The following PTPRD variants were observed in gnomAD, a reference collection of about 807,000 sequenced individuals.
The protein encoded by PTPRD is protein tyrosine phosphatase receptor type D.
Under a neutral mutation model 214.5 loss-of-function variants are expected in PTPRD, and 34 were observed. The ratio of observed to expected loss-of-function variants is 0.16; its 90% CI spans 0.12 to 0.21. The LOEUF is 0.21. Ranked by LOEUF, PTPRD falls within the 10% of genes least tolerant of loss-of-function variation. The probability of loss-of-function intolerance (pLI) is 1.00; values close to 1 mark genes in which losing one functional copy is unlikely to be tolerated. For synonymous variants in PTPRD, 1,128 were observed against 845.7 expected, an observed-to-expected ratio of 1.33 and a Z score of -5.79; for missense variants, 2,545 against 2,398.7, an observed-to-expected ratio of 1.06 and a Z score of -1.27.
At chr9:9,072,335 C>T (rs1458928171) in intron 10 of PTPRD, among the ~76,000 whole-genome samples, 1 of 146,772 alleles carries the variant, frequency 6.8e-6, no homozygotes, top group African/African-American at 2.5e-5. Context: ...CTTAATATTC[C>T]CATTTTGCCA....
intron 6 of PTPRD, among the ~76,000 whole-genome samples, chr9:9,754,136 A>G (rs1026991803): frequency 4.6e-5 from 7 of 152,068 alleles, no homozygotes; most frequent in African/African-American, 1.7e-4. Flanking sequence ...GAATGAAAGG[A>G]TGGAGGGATG....
rs76330122 is a variant in PTPRD at position 8,513,667 on chromosome 9, G to A, written c.1543+4181C>T. Among the ~76,000 whole-genome samples the A allele has an allele frequency of 4.5e-4, 68 of 151,960 alleles. No individual in the cohort carries two copies. In the East Asian group the frequency reaches 0.011, roughly 25 times the overall value. ...AATTTTATATCTCATAATGGTTATC[G>A]TCCTAGCAATCATCCTAAGAATTCT... On this transcript the variant is annotated intron_variant, in intron 21 of 45. Transcript: ENST00000381196.
intron 3 of PTPRD, among the ~76,000 whole-genome samples, chr9:10,076,848 T>C (rs887437138): frequency 1.3e-5 from 2 of 152,190 alleles, no homozygotes; most frequent in African/African-American, 2.4e-5. Flanking sequence ...CAGCTAATGG[T>C]GCTCTACGAA....
At chr9:9,268,595 C>T (rs1259759013) in intron 9 of PTPRD, among the ~76,000 whole-genome samples, 6 of 151,126 alleles carry the variant, frequency 4.0e-5, no homozygotes, top group African/African-American at 1.5e-4. Flanking sequence ...GGAGGCATCA[C>T]ATTCCTGATT....
intron 9 of PTPRD, among the ~76,000 whole-genome samples, chr9:9,358,518 T>C (rs907694807): frequency 6.6e-6 from 1 of 151,292 alleles, no homozygotes; most frequent in Admixed American, 6.6e-5. Context: ...AGCTCAGAAT[T>C]AAAATGAATG....
chr9:8,675,711 C>A (rs568025731), intron 12 of PTPRD, among the ~76,000 whole-genome samples: 2 of 152,184 alleles, frequency 1.3e-5, no homozygotes, highest in East Asian at 3.9e-4. Flanking sequence ...TCGCCTTCAA[C>A]ATCTTAGACA....
intron 3 of PTPRD, among the ~76,000 whole-genome samples, chr9:10,082,926 T>C (rs923284366): frequency 2.6e-5 from 4 of 151,756 alleles, no homozygotes; most frequent in Non-Finnish European, 5.9e-5. Context: ...TTGATGATTA[T>C]TCAAAAGGAA....
At chr9:8,917,999 G>T (rs2098798570) in intron 11 of PTPRD, among the ~76,000 whole-genome samples, 1 of 152,136 alleles carries the variant, frequency 6.6e-6, no homozygotes, top group Admixed American at 6.6e-5. Context: ...GAGACATTAA[G>T]GGGGATTTCG....
chr9:9,925,338 T>G (rs1431516037), intron 5 of PTPRD, among the ~76,000 whole-genome samples: 1 of 152,084 alleles, frequency 6.6e-6, no homozygotes, highest in Non-Finnish European at 1.5e-5. Context: ...TGTGTATATT[T>G]AATATAGTCA....
intron 39 of PTPRD, among the ~76,000 whole-genome samples, chr9:8,347,482 C>T (rs1458439932): frequency 1.3e-5 from 2 of 152,094 alleles, no homozygotes; most frequent in African/African-American, 4.8e-5. Context: ...ATTAAATAAT[C>T]ACATGAATAA....
chr9:9,110,349 G>A (rs993174908), intron 10 of PTPRD, among the ~76,000 whole-genome samples: 5 of 152,016 alleles, frequency 3.3e-5, no homozygotes, highest in Admixed American at 3.3e-4. Context: ...GCAAATTCTT[G>A]AGCCCCACCT....
In PTPRD at chr9:9,213,090, A is replaced by T. The variant is rs537015684; in HGVS notation, c.-202-29727T>A. Among the ~76,000 whole-genome samples, 6 of 152,316 alleles carry T rather than the reference A, an allele frequency of 3.9e-5. No homozygotes were observed. In the East Asian group the frequency reaches 1.2e-3, roughly 29 times the overall value. ...AATGAAGTTGAAACGATGCACATCAAATCCCAAAATAGGCTCTTATGTGAA... is the reference window on the plus strand; with the variant it reads ...AATGAAGTTGAAACGATGCACATCATATCCCAAAATAGGCTCTTATGTGAA... On this transcript the variant is annotated intron_variant, in intron 9 of 45. Transcript: ENST00000381196.
intron 9 of PTPRD, among the ~76,000 whole-genome samples, chr9:9,188,835 TG>T (rs199952816): frequency 6.7e-6 from 1 of 150,374 alleles, no homozygotes; most frequent in African/African-American, 2.5e-5. Flanking sequence ...TGTGTGTGTG[TG>T]TGTGTGTTGT....
intron 10 of PTPRD, among the ~76,000 whole-genome samples, chr9:9,151,073 CA>C (rs1452369069): frequency 1.3e-5 from 2 of 152,192 alleles, no homozygotes; most frequent in East Asian, 3.8e-4. Context: ...CCTCCCAATT[CA>C]AAGATAATTA....
chr9:10,464,610 G>C (rs2098981359), intron 2 of PTPRD, among the ~76,000 whole-genome samples: 1 of 151,898 alleles, frequency 6.6e-6, no homozygotes, highest in Non-Finnish European at 1.5e-5. Context: ...AGATTAAAAG[G>C]GAAGGAAATA....
intron 5 of PTPRD, among the ~76,000 whole-genome samples, chr9:9,882,749 C>A (rs2069221301): frequency 6.6e-6 from 1 of 151,986 alleles, no homozygotes; most frequent in Non-Finnish European, 1.5e-5. Flanking sequence ...ACCCCCAGAC[C>A]CACCCTGATG....
chr9:9,473,231 T>C (rs2094758052), intron 8 of PTPRD, among the ~76,000 whole-genome samples: 1 of 152,188 alleles, frequency 6.6e-6, no homozygotes, highest in Non-Finnish European at 1.5e-5. Flanking sequence ...ACATGCAATA[T>C]GCCTTTCTGT....
At chr9:9,456,554 T>C (rs574758541) in intron 8 of PTPRD, among the ~76,000 whole-genome samples, 114 of 151,974 alleles carry the variant, frequency 7.5e-4, no homozygotes, top group Non-Finnish European at 1.3e-3. Flanking sequence ...GTTAAAAATG[T>C]ATTACTTATA....
chr9:8,375,551 A>G (rs2082987133), intron 39 of PTPRD, among the ~76,000 whole-genome samples: 1 of 152,188 alleles, frequency 6.6e-6, no homozygotes, highest in South Asian at 2.1e-4. Flanking sequence ...TTTTTCCCCT[A>G]TAAATAGTAA....
Sources: gnomAD v4.1 joint callset for allele counts (sites outside exome capture counted in the v4.1 genomes callset) on GRCh38, gnomAD v4.1.1 for gene constraint, MANE v1.5 for transcripts, NCBI Gene and HGNC (gene_info 2026-07-23, HGNC 2026-07-21) for gene names.